The following NEFM variants were observed in gnomAD, a reference collection of about 807,000 sequenced individuals.
NEFM encodes the protein neurofilament medium chain.
NEFM carries 16 observed loss-of-function variants against 48.1 expected under a neutral mutation model. That is an observed-to-expected ratio of 0.33 (90% CI 0.23 to 0.51). The LOEUF (loss-of-function observed/expected upper bound fraction) is 0.51, where lower values mean the gene tolerates loss of function less well. NEFM is among the 20% of genes least tolerant of loss of function. NEFM has a pLI of 0.98. For synonymous variants in NEFM, 465 were observed against 456.9 expected, an observed-to-expected ratio of 1.02 and a Z score of -0.23; for missense variants, 1,107 against 1,136.0, an observed-to-expected ratio of 0.97 and a Z score of 0.37.
intron 1 of NEFM, 120 bp from the exon 2 acceptor site, chr8:24,915,485 G>T: frequency 1.3e-6 from 2 of 1,487,940 alleles, no homozygotes; most frequent in Non-Finnish European, 1.9e-6. Flanking sequence ...AGGTGTCAGC[G>T]AGGTTTGCAG....
At chr8:24,917,017 G>C (rs766125431) in intron 2 of NEFM, 44 bp from the exon 3 acceptor site, 2 of 1,556,404 alleles carry the variant, frequency 1.3e-6, no homozygotes, top group Non-Finnish European at 1.8e-6. Flanking sequence ...AGAAGGCCTA[G>C]TGAAATTTTT....
chr8:24,915,659 C>T lies in NEFM; in HGVS notation c.1135C>T (p.Arg379Cys), dbSNP rs1802561872. Residue 379 changes from arginine to cysteine, a missense_variant, in exon 2 of 3, where the codon CGT becomes TGT. Around this residue, in one of 3 missense-constraint regions of NEFM, gnomAD observed 917 missense variants for 916.4 expected, o/e 1.00. Coordinates refer to ENST00000221166, the MANE Select transcript of NEFM (RefSeq NM_005382.2). Reference sequence around the variant, plus strand: ...TCGGGGCACAAAGTGGGAAATGGCTCGTCATTTGCGCGAATACCAGGACCT... The same window carrying T: ...TCGGGGCACAAAGTGGGAAATGGCTTGTCATTTGCGCGAATACCAGGACCT... ...ELRGTKWEMA[R>C]HLREYQDLLN... The T allele has an allele frequency of 3.1e-6, 5 of 1,614,006 alleles. No individual in the cohort carries two copies. The highest frequency in any genetic ancestry group is 2.2e-5 in the East Asian group (1 of 44,874).
rs1241810677 is a variant in NEFM at position 24,917,549 on chromosome 8, A to G, written c.1694A>G (p.Glu565Gly). Residue 565 changes from glutamate to glycine, a missense_variant, in exon 3 of 3, where the codon GAG becomes GGG. Glu to Gly is a moderately conservative substitution (Grantham distance 98). Coordinates refer to ENST00000221166, the MANE Select transcript of NEFM (RefSeq NM_005382.2). ...GGCTCTAGTGAAAAAGAGGAAGGTG[A>G]GCAGGAAGAAGGAGAAACAGAAGCT... ...KEGSSEKEEG[E>G]QEEGETEAEA... is the part of the protein sequence containing the mutation. 3 of 1,566,416 alleles carry G rather than the reference A, an allele frequency of 1.9e-6. No individual in the cohort carries two copies. The highest frequency in any genetic ancestry group is 1.7e-6 in the Non-Finnish European group (2 of 1,155,160).
rs41276283 is a variant in NEFM, at chr8:24,918,186, G to T, written c.2331G>T (p.Ala777=). 8 of 1,551,984 alleles carry T rather than the reference G, an allele frequency of 5.2e-6. No homozygotes were observed. The East Asian group carries it at 2.0e-4, about 38-fold the overall frequency. The part of the protein sequence containing the change: ...PLQQEKEKEK[A]GGEGGSEEEG... ...AGCAGGAGAAAGAGAAGGAGAAAGC[G>T]GGAGGAGAGGGAGGAAGTGAGGAGG... The change falls in exon 3 of 3, where the codon GCG becomes GCT. Residue 777 remains alanine, a synonymous_variant. Coordinates refer to ENST00000221166, the MANE Select transcript of NEFM (RefSeq NM_005382.2).
At position 24,917,978 on chromosome 8, in the gene NEFM, A is replaced by G; in HGVS notation, c.2123A>G (p.Glu708Gly). 3.1e-6 allele frequency: 5 copies of G among 1,611,332 alleles called. No individual in the cohort carries two copies. The highest frequency in any genetic ancestry group is 4.2e-6 in the Non-Finnish European group (5 of 1,178,456). The stretch of plus-strand genomic sequence containing the variant: ...GAACAGAAAGAGGAAGAAGAAAAGG[A>G]AGTCAAGGAAGCTCCCAAGGAAGAG... ...KGEQKEEEEK[E>G]VKEAPKEEKV... Residue 708 changes from glutamate to glycine, a missense_variant, in exon 3 of 3, where the codon GAA becomes GGA. Physicochemically the swap from Glu to Gly is moderately conservative, Grantham distance 98. This residue lies in a region of NEFM where 917 missense variants were observed against 916.4 expected (regional missense o/e 1.00). Transcript: ENST00000221166.
rs377590256 is a variant in NEFM at position 24,915,776 on chromosome 8, G to T, written c.1205+47G>T. 3.5e-5 allele frequency: 56 copies of T among 1,613,548 alleles called. No individual in the cohort carries two copies. The African/African-American group carries it at 7.2e-4, about 21-fold the overall frequency. On this transcript the variant is annotated intron_variant, in intron 2 of 2. Coordinates refer to ENST00000221166, the MANE Select transcript of NEFM (RefSeq NM_005382.2). ...TGGCCGGAACACTAACCGCAGTGCA[G>T]AGGCTGTTCCGGCAGAGCTTCCACC...
In NEFM at chr8:24,918,736, G is replaced by C. The variant is rs569677366; in HGVS notation, c.*130G>C. 5 of 762,934 alleles carry C rather than the reference G, an allele frequency of 6.6e-6. No homozygotes were observed. The South Asian group carries it at 7.2e-5, about 11-fold the overall frequency. The allele number at this position is 762,934 out of a possible 1,614,324, so 47.3% of individuals were successfully genotyped here. A position where few individuals can be genotyped will look rare whatever the true frequency, so the allele number is the denominator to read the frequency against. On this transcript the variant is annotated 3_prime_UTR_variant, in exon 3 of 3. Transcript: ENST00000221166. ...GTATTTTACTTTGTGCAATATGAGG[G>C]GACTGCATGCAAGCTCAGGGTGCTC... is the stretch of plus-strand genomic sequence containing the variant.
In NEFM at chr8:24,913,958, C is replaced by T. The variant is rs200575013; in HGVS notation, c.165C>T (p.Ser55=). 4.3e-6 allele frequency: 7 copies of T among 1,611,798 alleles called. No homozygotes were observed. The African/African-American group carries it at 6.7e-5, about 15-fold the overall frequency. ...CCGTGTCCTCCTCCTATAAGCGCAG[C>T]ATGCTCGCCCCGCGCCTCGCTTACA... is the stretch of plus-strand genomic sequence containing the variant. ...PSTVSSSYKR[S]MLAPRLAYSS... The change falls in exon 1 of 3, where the codon AGC becomes AGT. Residue 55 remains serine, a synonymous_variant. Transcript: ENST00000221166.
chr8:24,918,683 G>T lies in NEFM; in HGVS notation c.*77G>T, dbSNP rs1802621192. 3 of 1,067,118 alleles carry T rather than the reference G, an allele frequency of 2.8e-6. No individual in the cohort carries two copies. The highest frequency in any genetic ancestry group is 4.3e-6 in the Non-Finnish European group (3 of 694,236). 66.1% of individuals were successfully genotyped at this position (1,067,118 alleles called of 1,614,324 possible). A position where few individuals can be genotyped will look rare whatever the true frequency, so the allele number is the denominator to read the frequency against. ...GTGATTGGCAGCTTCAAAACAGAAC[G>T]GGTTCTCCCATGGGGGCTCCAGACA... On this transcript the variant is annotated 3_prime_UTR_variant, in exon 3 of 3. Transcript: ENST00000221166.
chr8:24,917,651 A>G lies in NEFM; in HGVS notation c.1796A>G (p.Glu599Gly), dbSNP rs1586109500. 2 of 1,613,188 alleles carry G rather than the reference A, an allele frequency of 1.2e-6. No individual in the cohort carries two copies. The highest frequency in any genetic ancestry group is 4.5e-5 in the East Asian group (2 of 44,886). Reference protein sequence around the residue: ...EEKSEEVATKEELVADAKVEK... With the variant: ...EEKSEEVATKGELVADAKVEK... ...AAGAGTGAGGAAGTGGCTACCAAGG[A>G]GGAGCTGGTGGCAGATGCCAAGGTG... The change falls in exon 3 of 3, where the codon GAG becomes GGG. Residue 599 changes from glutamate (E) to glycine (G), a missense_variant. By Grantham distance (98) the Glu-to-Gly change is moderately conservative. Transcript: ENST00000221166.
intron 2 of NEFM, 89 bp downstream of exon 2, chr8:24,915,818 G>T (rs1563242695): frequency 6.4e-7 from 1 of 1,565,150 alleles, no homozygotes; most frequent in Non-Finnish European, 8.8e-7. Context: ...GTTAAAGCAG[G>T]CAGGGTGCAG....
In NEFM at chr8:24,914,769, T is replaced by A. The variant is rs1802547403; in HGVS notation, c.976T>A (p.Ser326Thr). Residue 326 changes from serine (S) to threonine (T), a missense_variant, in exon 1 of 3, where the codon TCC (serine) becomes ACC (threonine). Ser to Thr is a moderately conservative substitution (Grantham distance 58). Coordinates refer to ENST00000221166, the MANE Select transcript of NEFM (RefSeq NM_005382.2). ...CGCCGAGTACCGGCGCCAGCTGCAG[T>A]CCAAGAGCATCGAGCTAGAGTCGGT... ...EIAEYRRQLQ[S>T]KSIELESVRG... 4 of 1,611,154 alleles carry A rather than the reference T, an allele frequency of 2.5e-6. No individual in the cohort carries two copies. Among genetic ancestry groups the A allele is most frequent in the Non-Finnish European group, 3.4e-6 (4 of 1,178,978 alleles).
At position 24,915,388 on chromosome 8, in the gene NEFM, G is replaced by A. The variant is rs752485048; in HGVS notation, c.1081-217G>A. Reference sequence around the variant, plus strand: ...TCCGTGCGTGATGTGCCCAGGAAGTGTCCTATTGTCTTACTGATCTTGTAT... The same window carrying A: ...TCCGTGCGTGATGTGCCCAGGAAGTATCCTATTGTCTTACTGATCTTGTAT... On this transcript the variant is annotated intron_variant, in intron 1 of 2. Coordinates refer to ENST00000221166, the MANE Select transcript of NEFM (RefSeq NM_005382.2). 2.4e-5 allele frequency: 25 copies of A among 1,061,928 alleles called. 1 individual carries two copies. Among genetic ancestry groups the A allele is most frequent in the Non-Finnish European group, 2.9e-5 (22 of 770,768 alleles). The allele number at this position is 1,061,928 out of a possible 1,614,324, so 65.8% of individuals were successfully genotyped here.
rs1478090422 is a variant in NEFM at position 24,919,044 on chromosome 8, G to C, written c.*438G>C. The C allele has an allele frequency of 1.0e-5, 2 of 193,918 alleles. No homozygotes were observed. The highest frequency in any genetic ancestry group is 4.7e-5 in the African/African-American group (2 of 42,558). The allele number at this position is 193,918 out of a possible 1,614,324, so 12.0% of individuals were successfully genotyped here. A position where few individuals can be genotyped will look rare whatever the true frequency, so the allele number is the denominator to read the frequency against. On this transcript the variant is annotated 3_prime_UTR_variant, in exon 3 of 3. Transcript: ENST00000221166. ...AGTTTGCAATCTTATGTTGATCGAT[G>C]TTAAACGTCACAGCAGTACTTGCTC...
In NEFM at chr8:24,917,640, G is replaced by A; in HGVS notation, c.1785G>A (p.Val595=). The stretch of plus-strand genomic sequence containing the variant: ...AAGTGGAGGAAAAGAGTGAGGAAGT[G>A]GCTACCAAGGAGGAGCTGGTGGCAG... The part of the protein sequence containing the change: ...EKKVEEKSEE[V]ATKEELVADA... The change falls in exon 3 of 3, where the codon GTG becomes GTA. Residue 595 remains valine, a synonymous_variant. Transcript: ENST00000221166. 1 of 1,613,172 alleles carries A rather than the reference G, an allele frequency of 6.2e-7. No individual in the cohort carries two copies. The highest frequency in any genetic ancestry group is 1.3e-5 in the African/African-American group (1 of 74,996).
In NEFM at chr8:24,917,811, C is replaced by T; in HGVS notation, c.1956C>T (p.Gly652=). 1 of 1,613,482 alleles carries T rather than the reference C, an allele frequency of 6.2e-7. No homozygotes were observed. The highest frequency in any genetic ancestry group is 8.5e-7 in the Non-Finnish European group (1 of 1,179,800). Reference sequence around the variant, plus strand: ...CCAAGTCACCAGTGGAAGAGAAAGGCAAGTCTCCTGTGCCGAAATCACCAG... The same window carrying T: ...CCAAGTCACCAGTGGAAGAGAAAGGTAAGTCTCCTGTGCCGAAATCACCAG... The part of the protein sequence containing the change: ...PVPKSPVEEK[G]KSPVPKSPVE... Residue 652 remains glycine (G), a synonymous_variant, in exon 3 of 3, where the codon GGC becomes GGT. Transcript: ENST00000221166.
rs1396364521 is a variant in NEFM, at chr8:24,917,256, A to C, written c.1401A>C (p.Ser467=). Residue 467 remains serine, a synonymous_variant, in exon 3 of 3, where the codon TCA becomes TCC. Coordinates refer to ENST00000221166, the MANE Select transcript of NEFM (RefSeq NM_005382.2). ...IEETKVEDEK[S]EMEEALTAIT... is the part of the protein sequence containing the mutation. ...AAACCAAAGTGGAGGATGAGAAGTC[A>C]GAAATGGAAGAGGCCCTGACAGCCA... 1 of 1,614,210 alleles carries C rather than the reference A, an allele frequency of 6.2e-7. No homozygotes were observed. The highest frequency in any genetic ancestry group is 1.7e-5 in the Admixed American group (1 of 60,018).
Position 24,914,421 on chromosome 8 carries a change from A to T in NEFM, c.628A>T (p.Ile210Phe), listed in dbSNP as rs139199878. 6.2e-7 allele frequency: 1 copy of T among 1,613,664 alleles called. No homozygotes were observed. The highest frequency in any genetic ancestry group is 1.1e-5 in the South Asian group (1 of 91,086). Residue 210 changes from isoleucine (I) to phenylalanine (F), a missense_variant, in exon 1 of 3, where the codon ATC (isoleucine) becomes TTC (phenylalanine). By Grantham distance (21) the Ile-to-Phe change is conservative (BLOSUM62 0). Coordinates refer to ENST00000221166, the MANE Select transcript of NEFM (RefSeq NM_005382.2). ...GGCCATCCGCGCGCTGCGCAAAGAC[A>T]TCGAGGAGGCGTCGCTGGTCAAGGT... ...EAAIRALRKD[I>F]EEASLVKVEL...
In NEFM at chr8:24,918,319, G is replaced by T; in HGVS notation, c.2464G>T (p.Gly822Trp). Residue 822 changes from glycine to tryptophan, a missense_variant, in exon 3 of 3, where the codon GGG becomes TGG. By Grantham distance (184) the Gly-to-Trp change is radical (BLOSUM62 -2). Transcript: ENST00000221166. ...VEQETKEKGS[G>W]REEEKGVVTN... ...GCAGGAGACCAAGGAAAAAGGCAGTGGGAGGGAAGAGGAGAAAGGCGTTGT... is the reference window on the plus strand; with the variant it reads ...GCAGGAGACCAAGGAAAAAGGCAGTTGGAGGGAAGAGGAGAAAGGCGTTGT... 3 of 1,613,904 alleles carry T rather than the reference G, an allele frequency of 1.9e-6. No homozygotes were observed. Among genetic ancestry groups the T allele is most frequent in the Non-Finnish European group, 1.7e-6 (2 of 1,179,952 alleles).
Sources: allele counts gnomAD v4.1 joint callset, GRCh38; gene constraint gnomAD v4.1.1; regional missense constraint gnomAD v4.1.1; transcripts MANE v1.5; gene names NCBI Gene and HGNC (gene_info 2026-07-23, HGNC 2026-07-21).